The following ACOX3 variants were observed in gnomAD, a reference collection of about 807,000 sequenced individuals.
ACOX3 encodes acyl-CoA oxidase 3, pristanoyl, also known as peroxisomal acyl-coenzyme A oxidase 3.
Under a neutral mutation model 81.5 loss-of-function variants are expected in ACOX3, and 73 were observed. The observed-to-expected ratio is 0.90, with a 90% CI of 0.74 to 1.09. The LOEUF (loss-of-function observed/expected upper bound fraction) is 1.09. Among genes scored for constraint, ACOX3 ranks in the 50% least tolerant of loss-of-function variants. The pLI is 0.00. For synonymous variants in ACOX3, 387 were observed against 375.1 expected, an observed-to-expected ratio of 1.03 and a Z score of -0.37; for missense variants, 947 against 928.0, an observed-to-expected ratio of 1.02 and a Z score of -0.27.
chr4:8,356,117 T>C, the ACOX3 span: 1 of 230,972 alleles, frequency 4.3e-6, no homozygotes, highest in African/African-American at 2.2e-5. Context: ...ATGTGCTGTC[T>C]GCAGGCCGGG....
At chr4:8,424,783 G>A (rs963202276) in intron 1 of ACOX3, among the ~76,000 whole-genome samples, 6 of 152,186 alleles carry the variant, frequency 3.9e-5, no homozygotes, top group East Asian at 3.8e-4. Context: ...AACCTACGCC[G>A]CTCGAGGGGA....
At chr4:8,361,209 G>T in the ACOX3 span, among the ~76,000 whole-genome samples, 574 of 151,992 alleles carry the variant, frequency 3.8e-3, 7 homozygotes, top group African/African-American at 0.013. Flanking sequence ...GGATCATGAA[G>T]TCAGGAGATC....
chr4:8,407,507 C>T lies in ACOX3; in HGVS notation c.688-1464G>A, dbSNP rs376323234. Among the ~76,000 whole-genome samples the T allele has an allele frequency of 1.1e-4, 17 of 152,274 alleles. No individual in the cohort carries two copies. The East Asian group carries it at 2.9e-3, about 26-fold the overall frequency. On this transcript the variant is annotated intron_variant, in intron 6 of 17. Transcript: ENST00000356406. The surrounding 1 kb of genome is among the most constrained non-coding windows in gnomAD (Gnocchi z 4.6). ...CTAAAGATTCCTCAATTTCAGACCC[C>T]GGCCTCCAGAGTTGGGAGAATACGT...
rs1195954043 is a variant in ACOX3, at chr4:8,414,930, T to C, written c.379-2A>G. The C allele has an allele frequency of 6.2e-7, 1 of 1,614,098 alleles. No individual in the cohort carries two copies. The highest frequency in any genetic ancestry group is 2.2e-5 in the East Asian group (1 of 44,888). On this transcript the variant is annotated splice_acceptor_variant, in intron 3 of 17. Transcript: ENST00000356406. LOFTEE classifies it high-confidence loss of function. This position sits in a 1 kb window ranked among gnomAD's most constrained non-coding sequence, Gnocchi z 6.1. Reference sequence around the variant, plus strand: ...ACTGTAAACTGCTGATCCAAAAACCTGAAAGTATAACATCGTCCTATCAAC... The same window carrying C: ...ACTGTAAACTGCTGATCCAAAAACCCGAAAGTATAACATCGTCCTATCAAC...
chr4:8,367,117 A>T (rs779101205), intron 17 of ACOX3, 37 bp from the exon 18 acceptor site: 20 of 1,603,574 alleles, frequency 1.2e-5, no homozygotes, highest in Non-Finnish European at 7.7e-6. Context: ...GAAGACAAAG[A>T]AATAAGAAGG....
At chr4:8,391,318 G>C (rs1289859191) in intron 11 of ACOX3, among the ~76,000 whole-genome samples, 1 of 152,208 alleles carries the variant, frequency 6.6e-6, no homozygotes, top group African/African-American at 2.4e-5. Flanking sequence ...GCTGGAACAG[G>C]TGCGAGTTAG....
the ACOX3 span, chr4:8,357,288 G>T: frequency 2.2e-6 from 1 of 456,502 alleles, no homozygotes; most frequent in Non-Finnish European, 4.4e-6. Context: ...CGAGGGGAAT[G>T]CAGGGAGGAC....
chr4:8,415,666 CTG>C, intron 3 of ACOX3, 98 bp downstream of exon 3: 1 of 978,230 alleles, frequency 1.0e-6, no homozygotes, highest in South Asian at 1.6e-5. Context: ...GCTGGACAAA[CTG>C]GTGTTTCTCT....
intron 14 of ACOX3, among the ~76,000 whole-genome samples, chr4:8,378,694 G>A (rs919265760): frequency 6.6e-5 from 10 of 152,346 alleles, no homozygotes; most frequent in African/African-American, 1.9e-4. Flanking sequence ...AACATGTAAA[G>A]GTGTCACTCA....
At chr4:8,378,279 G>A (rs779741331) in intron 14 of ACOX3, among the ~76,000 whole-genome samples, 42 of 152,216 alleles carry the variant, frequency 2.8e-4, no homozygotes, top group Non-Finnish European at 5.3e-4. Context: ...GTGCAATCCT[G>A]GCCCCGGCAC....
At chr4:8,425,363 G>T (rs1176348812) in intron 1 of ACOX3, among the ~76,000 whole-genome samples, 1 of 151,958 alleles carries the variant, frequency 6.6e-6, no homozygotes, top group Non-Finnish European at 1.5e-5. Flanking sequence ...ACCTCACGAG[G>T]ACATAGTTTC....
chr4:8,379,775 C>T (rs1250446271), intron 14 of ACOX3, among the ~76,000 whole-genome samples: 20 of 152,152 alleles, frequency 1.3e-4, no homozygotes, highest in Admixed American at 1.3e-3. Flanking sequence ...AATCTCTATT[C>T]CATTAAAAAA....
intron 10 of ACOX3, among the ~76,000 whole-genome samples, chr4:8,393,399 G>C (rs925110768): frequency 1.5e-5 from 2 of 130,394 alleles, no homozygotes; most frequent in South Asian, 5.2e-4. Flanking sequence ...TGAGGCAAGA[G>C]AATTGCTTGA....
At chr4:8,428,199 C>A (rs2631730) in intron 1 of ACOX3, among the ~76,000 whole-genome samples, 52,796 of 152,106 alleles carry the variant, frequency 0.35, 10,032 homozygotes, top group South Asian at 0.46. Flanking sequence ...AACCCTGGCC[C>A]CCCCGCCCGC....
chr4:8,394,417 TGA>T lies in ACOX3; in HGVS notation c.1179+201_1179+202del, dbSNP rs961318158. On this transcript the variant is annotated intron_variant, in intron 10 of 17. Transcript: ENST00000356406. The surrounding 1 kb of genome is among the most constrained non-coding windows in gnomAD (Gnocchi z 5.9). ...ACCGGGAGTCGTGTCAGCACATCCT[TGA>T]GAGGCAGGGGTGTGGACGCGTGCCC... Among the ~76,000 whole-genome samples, 3 of 152,178 alleles carry T rather than the reference TGA, an allele frequency of 2.0e-5. No individual in the cohort carries two copies. The highest frequency in any genetic ancestry group is 7.2e-5 in the African/African-American group (3 of 41,448).
Position 8,415,905 on chromosome 4 carries a change from AG to A in ACOX3, c.238del (p.Leu80PhefsTer22). The A allele has an allele frequency of 6.2e-7, 1 of 1,614,258 alleles. No homozygotes were observed. On this transcript the variant is annotated frameshift_variant, in exon 3 of 18. Coordinates refer to ENST00000356406, the MANE Select transcript of ACOX3 (RefSeq NM_003501.3). LOFTEE classifies it high-confidence loss of function. ...SLEKYRELNF[L>X]RCKRIFEYDF... ...ATACTCGAAGATCCGCTTGCATCGA[AG>A]GAAGTTCAGCTCGCGATACTTCTCC...
Position 8,366,671 on chromosome 4 carries a change from T to C in ACOX3, c.*290A>G, listed in dbSNP as rs1715480638. 1 of 244,796 alleles carries C rather than the reference T, an allele frequency of 4.1e-6. No individual in the cohort carries two copies. The allele number at this position is 244,796 out of a possible 1,614,324, so 15.2% of individuals were successfully genotyped here. A position where few individuals can be genotyped will look rare whatever the true frequency, so the allele number is the denominator to read the frequency against. On this transcript the variant is annotated 3_prime_UTR_variant, in exon 18 of 18. Transcript: ENST00000356406. Reference sequence around the variant, plus strand: ...GAGAAAGGAGCTGAACCCTGAAAACTGAATGTGCGAAATTCTAATTATCAA... The same window carrying C: ...GAGAAAGGAGCTGAACCCTGAAAACCGAATGTGCGAAATTCTAATTATCAA...
At chr4:8,402,132 AGGACAGCCTGAG>A (rs1720435177) in intron 7 of ACOX3, among the ~76,000 whole-genome samples, 1 of 152,260 alleles carries the variant, frequency 6.6e-6, no homozygotes, top group South Asian at 2.1e-4. Context: ...CCTGACTCCC[AGGACAGCCTGAG>A]GGAAAGACAC....
At chr4:8,421,393 G>A (rs1327829260) in intron 1 of ACOX3, among the ~76,000 whole-genome samples, 2 of 152,240 alleles carry the variant, frequency 1.3e-5, no homozygotes, top group Non-Finnish European at 2.9e-5. Context: ...TCTTGGGGAA[G>A]CAGAGGGCTG....
Sources: allele counts gnomAD v4.1 joint callset (sites outside exome capture counted in the v4.1 genomes callset), GRCh38; gene constraint gnomAD v4.1.1; non-coding constraint Gnocchi (gnomAD v3.1); transcripts MANE v1.5; gene names NCBI Gene and HGNC (gene_info 2026-07-23, HGNC 2026-07-21).